The following TAFA4 variants were observed in gnomAD, a reference collection of about 807,000 sequenced individuals.
TAFA4 encodes chemokine-like protein TAFA-4.
TAFA4 carries 20 observed loss-of-function variants against 21.1 expected under a neutral mutation model. The ratio of observed to expected loss-of-function variants is 0.95; its 90% CI spans 0.67 to 1.38. The LOEUF (loss-of-function observed/expected upper bound fraction) is 1.38, where lower values mean the gene tolerates loss of function less well. Ranked by LOEUF, TAFA4 falls within the 40% of genes most tolerant of loss-of-function variation. The pLI is 0.00. For synonymous variants in TAFA4, 71 were observed against 67.4 expected, an observed-to-expected ratio of 1.05 and a Z score of -0.26; for missense variants, 211 against 180.9, an observed-to-expected ratio of 1.17 and a Z score of -0.95.
At chr3:68,871,692 CAACTT>C (rs1410029484) in intron 3 of TAFA4, among the ~76,000 whole-genome samples, 2 of 152,088 alleles carry the variant, frequency 1.3e-5, no homozygotes, top group Non-Finnish European at 2.9e-5. Context: ...GGAACTCAAA[CAACTT>C]AACAGCAAAA....
At chr3:68,757,293 A>T (rs1425258737) in intron 3 of TAFA4, among the ~76,000 whole-genome samples, 1 of 152,020 alleles carries the variant, frequency 6.6e-6, no homozygotes, top group Non-Finnish European at 1.5e-5. Flanking sequence ...CCTTTTTATA[A>T]GGACATCAGT....
intron 1 of TAFA4, among the ~76,000 whole-genome samples, chr3:68,900,289 T>C (rs56239349): frequency 0.099 from 8,065 of 81,814 alleles, 368 homozygotes; most frequent in East Asian, 0.31. Context: ...ATAACAATAA[T>C]AATAATAATA....
intron 3 of TAFA4, among the ~76,000 whole-genome samples, chr3:68,861,849 C>A (rs1452173867): frequency 6.6e-6 from 1 of 151,958 alleles, no homozygotes; most frequent in Non-Finnish European, 1.5e-5. Flanking sequence ...ACTGAGAAGA[C>A]GAAGGTGGGT....
chr3:68,837,512 C>G (rs1352426092), intron 3 of TAFA4, among the ~76,000 whole-genome samples: 1 of 152,158 alleles, frequency 6.6e-6, no homozygotes, highest in Non-Finnish European at 1.5e-5. Context: ...TAGTAAACAT[C>G]AGAATCACAT....
intron 1 of TAFA4, among the ~76,000 whole-genome samples, chr3:68,893,020 T>C (rs1261235822): frequency 1.3e-5 from 2 of 152,212 alleles, no homozygotes; most frequent in Non-Finnish European, 2.9e-5. Flanking sequence ...TTAACGGTAA[T>C]GACAATTTAG....
chr3:68,739,063 G>C lies in TAFA4; in HGVS notation c.411+12C>G. The C allele has an allele frequency of 1.2e-6, 2 of 1,612,152 alleles. No individual in the cohort carries two copies. Among genetic ancestry groups the C allele is most frequent in the Middle Eastern group, 1.7e-4 (1 of 6,030 alleles). The stretch of plus-strand genomic sequence containing the variant: ...AACTTGTAAATTGTAGTTGCATTTT[G>C]TCTATACTTGCCTTCGTAGTTTTGA... On this transcript the variant is annotated intron_variant, in intron 5 of 5. Coordinates refer to ENST00000295569, the MANE Select transcript of TAFA4 (RefSeq NM_182522.5).
At chr3:68,877,632 C>T (rs1326018958) in intron 3 of TAFA4, among the ~76,000 whole-genome samples, 1 of 152,218 alleles carries the variant, frequency 6.6e-6, no homozygotes, top group Non-Finnish European at 1.5e-5. Context: ...TGAAGCCTTT[C>T]TCTCCTTAAG....
At chr3:68,749,047 T>C (rs189871264) in intron 4 of TAFA4, among the ~76,000 whole-genome samples, 1 of 152,360 alleles carries the variant, frequency 6.6e-6, no homozygotes, top group African/African-American at 2.4e-5. Flanking sequence ...ACCAGCTGAA[T>C]AGCTGTCTGT....
intron 1 of TAFA4, among the ~76,000 whole-genome samples, chr3:68,927,605 A>T (rs776751908): frequency 6.4e-4 from 98 of 152,354 alleles, no homozygotes; most frequent in African/African-American, 2.3e-3. Flanking sequence ...GCTTCATAAG[A>T]AATACAAGTA....
At chr3:68,862,989 T>C (rs543326559) in intron 3 of TAFA4, among the ~76,000 whole-genome samples, 1 of 150,800 alleles carries the variant, frequency 6.6e-6, no homozygotes, top group African/African-American at 2.4e-5. Context: ...ATCCCAGCAC[T>C]GTGGGAGTCC....
At chr3:68,785,602 A>C (rs1227604757) in intron 3 of TAFA4, among the ~76,000 whole-genome samples, 1 of 152,236 alleles carries the variant, frequency 6.6e-6, no homozygotes, top group African/African-American at 2.4e-5. Context: ...AACTCGCGCT[A>C]GCCCACAAGC....
chr3:68,782,071 A>C (rs1166566781), intron 3 of TAFA4, among the ~76,000 whole-genome samples: 2 of 152,242 alleles, frequency 1.3e-5, no homozygotes, highest in Non-Finnish European at 2.9e-5. Flanking sequence ...ACAACGGAGA[A>C]AATGGGAGAA....
chr3:68,791,193 T>C (rs1215423257), intron 3 of TAFA4, among the ~76,000 whole-genome samples: 1 of 152,238 alleles, frequency 6.6e-6, no homozygotes, highest in Non-Finnish European at 1.5e-5. Flanking sequence ...CATCAGAAGA[T>C]ATGTTTAAGT....
chr3:68,893,071 G>A (rs897443993), intron 1 of TAFA4, among the ~76,000 whole-genome samples: 5 of 152,190 alleles, frequency 3.3e-5, no homozygotes, highest in African/African-American at 9.6e-5. Context: ...ACTGCAGAGG[G>A]TTTATTTCTT....
At chr3:68,909,319 T>C (rs1046649595) in intron 1 of TAFA4, among the ~76,000 whole-genome samples, 2 of 152,124 alleles carry the variant, frequency 1.3e-5, no homozygotes, top group Admixed American at 6.5e-5. Context: ...TAAGAGAATA[T>C]CCATGGCGCT....
chr3:68,897,338 T>A (rs2106976482), intron 1 of TAFA4, among the ~76,000 whole-genome samples: 1 of 152,210 alleles, frequency 6.6e-6, no homozygotes, highest in African/African-American at 2.4e-5. Flanking sequence ...TGCATATCCT[T>A]ATTTTTGGCC....
At chr3:68,863,556 T>G (rs2089378415) in intron 3 of TAFA4, among the ~76,000 whole-genome samples, 1 of 152,080 alleles carries the variant, frequency 6.6e-6, no homozygotes, top group Non-Finnish European at 1.5e-5. Context: ...ACTTAAAATT[T>G]CATCTAACAG....
rs534700964 is a variant in TAFA4 at position 68,923,977 on chromosome 3, C to T, written c.-123+8263G>A. The stretch of plus-strand genomic sequence containing the variant: ...GAAGGGTGATGATTGATTGTGTCTA[C>T]CTTGTAGGACTTCAGGAGAATTAAA... On this transcript the variant is annotated intron_variant, in intron 1 of 5. Transcript: ENST00000295569. Among the ~76,000 whole-genome samples, 136 of 152,156 alleles carry T rather than the reference C, an allele frequency of 8.9e-4. 1 individual carries two copies. Among genetic ancestry groups the T allele is most frequent in the Non-Finnish European group, 1.0e-3 (68 of 68,032 alleles).
intron 1 of TAFA4, among the ~76,000 whole-genome samples, chr3:68,901,620 G>T (rs1285546473): frequency 6.6e-6 from 1 of 152,120 alleles, no homozygotes; most frequent in Admixed American, 6.5e-5. Context: ...GTGCTCAATA[G>T]CTCCATATGG....
Sources: allele counts gnomAD v4.1 joint callset (sites outside exome capture counted in the v4.1 genomes callset), GRCh38; gene constraint gnomAD v4.1.1; transcripts MANE v1.5; gene names NCBI Gene and HGNC (gene_info 2026-07-23, HGNC 2026-07-21).